Variants in SYS1 observed in about 807,000 individuals in gnomAD.
SYS1 encodes the protein SYS1 golgi trafficking protein, also known as protein SYS1 homolog.
A neutral mutation model predicts 17.8 loss-of-function variants in SYS1; 8 were observed. The ratio of observed to expected loss-of-function variants is 0.45; its 90% CI spans 0.26 to 0.81. The LOEUF is 0.81. SYS1 is among the 40% of genes least tolerant of loss of function. The pLI is 0.16. For missense variants in SYS1, 161 were observed against 203.9 expected (o/e 0.79, Z 1.28); for synonymous variants, 95 against 90.9 (o/e 1.05, Z -0.26).
exon 4 of SYS1, chr20:45,375,498 G>T: frequency 6.2e-7 from 1 of 1,601,454 alleles, no homozygotes; most frequent in Non-Finnish European, 8.5e-7. Context: ...CGGAGCACCC[G>T]ATCTCCTGGA....
At chr20:45,373,698 G>A, downstream of SYS1, 1 of 595,164 alleles carries the variant, frequency 1.7e-6, no homozygotes, top group African/African-American at 1.9e-5. Context: ...GCGCCACTCA[G>A]GAGACTAGCT....
rs762901585 is a variant in SYS1, at chr20:45,363,715, G to A, written c.162+22G>A. ...CGAGGTAGGGTCCCCGGACTGGGGC[G>A]GGTGGGGTCTCGGCCTCCCCGAGTA... On this transcript the variant is annotated intron_variant, in intron 2 of 3. Coordinates refer to ENST00000243918, the MANE Select transcript of SYS1 (RefSeq NM_033542.4). 11 of 1,548,710 alleles carry A rather than the reference G, an allele frequency of 7.1e-6. No homozygotes were observed. The East Asian group carries it at 1.7e-4, about 24-fold the overall frequency.
chr20:45,368,650 G>C lies in SYS1; in HGVS notation c.*1535G>C. 1.0e-6 allele frequency: 1 copy of C among 985,432 alleles called. No homozygotes were observed. The highest frequency in any genetic ancestry group is 5.2e-4 in the Middle Eastern group (1 of 1,914). The allele number at this position is 985,432 out of a possible 1,614,324, so 61.0% of individuals were successfully genotyped here. ...GAGACTGGGAAGGTTCTAGGGTGAG[G>C]CACCTCAGTAACTCATGGTACCTTG... On this transcript the variant is annotated 3_prime_UTR_variant, in exon 4 of 4. Transcript: ENST00000243918.
chr20:45,371,264 C>T (rs964262632), downstream of SYS1, among the ~76,000 whole-genome samples: 3 of 152,128 alleles, frequency 2.0e-5, no homozygotes, highest in Non-Finnish European at 2.9e-5. Context: ...TAAGATGTCA[C>T]GTGTAAAGCG....
chr20:45,373,528 G>C, downstream of SYS1: 1 of 270,928 alleles, frequency 3.7e-6, no homozygotes, highest in South Asian at 5.9e-5. Context: ...AAATGGAATG[G>C]GGAGCAACCA....
At chr20:45,362,973 G>A (rs900128743), upstream of SYS1, 43 of 397,690 alleles carry the variant, frequency 1.1e-4, no homozygotes, top group African/African-American at 8.9e-4. Flanking sequence ...CCCCTCTAGA[G>A]GGCGCGCAAG....
chr20:45,362,665 C>T (rs1988259485), upstream of SYS1, among the ~76,000 whole-genome samples: 1 of 152,170 alleles, frequency 6.6e-6, no homozygotes, highest in Admixed American at 6.5e-5. Context: ...CGCGCCCGAC[C>T]AACACTTGAA....
rs2743418 is a variant in SYS1 at position 45,363,684 on chromosome 20, C to T, written c.153C>T (p.Phe51=). Residue 51 remains phenylalanine (F), a synonymous_variant, in exon 2 of 4, where the codon TTC becomes TTT. Coordinates refer to ENST00000243918, the MANE Select transcript of SYS1 (RefSeq NM_033542.4). ...GCAGCCCCTCGCTGGACCAGATGTT[C>T]GACGCCGAGGTAGGGTCCCCGGACT... is the stretch of plus-strand genomic sequence containing the variant. ...VRSSPSLDQM[F]DAEILGFSTP... is the part of the protein sequence containing the mutation. 2 of 1,566,488 alleles carry T rather than the reference C, an allele frequency of 1.3e-6. No homozygotes were observed. Among genetic ancestry groups the T allele is most frequent in the Non-Finnish European group, 1.7e-6 (2 of 1,157,900 alleles).
At chr20:45,361,959 T>C (rs534040604), upstream of SYS1, 1 of 983,898 alleles carries the variant, frequency 1.0e-6, no homozygotes, top group South Asian at 4.7e-5. Flanking sequence ...ACTTCCCGTC[T>C]TTCCACTTCA....
upstream of SYS1, chr20:45,362,143 G>A (rs1988242318): frequency 1.7e-6 from 1 of 574,760 alleles, no homozygotes; most frequent in African/African-American, 2.0e-5. Context: ...GCAGCAGAGA[G>A]GGTCAGGATT....
In SYS1 at chr20:45,375,259, C is replaced by T. The variant is rs577945475; in HGVS notation, c.*965C>T. On this transcript the variant is annotated 3_prime_UTR_variant, in exon 4 of 4. Coordinates refer to the SYS1 transcript ENST00000426004. ...GCGGTAGGGCTTAATGAAGATGACTCGGGGGCCCTCGGTGAGTGGTTGCCT... is the reference window on the plus strand; with the variant it reads ...GCGGTAGGGCTTAATGAAGATGACTTGGGGGCCCTCGGTGAGTGGTTGCCT... 14 of 1,614,126 alleles carry T rather than the reference C, an allele frequency of 8.7e-6. No individual in the cohort carries two copies. The African/African-American group carries it at 1.5e-4, about 17-fold the overall frequency.
intron 2 of SYS1, 148 bp from the exon 3 acceptor site, chr20:45,365,471 C>T: frequency 1.2e-6 from 1 of 802,468 alleles, no homozygotes; most frequent in South Asian, 1.3e-5. Flanking sequence ...ATGAAAGCAC[C>T]TATTGGAAAT....
rs201476177 is a variant in SYS1 at position 45,365,602 on chromosome 20, T to G, written c.163-17T>G. On this transcript the variant is annotated splice_polypyrimidine_tract_variant and intron_variant, in intron 2 of 3. Transcript: ENST00000243918. ...AGTCACTTCTCCAGTATATTTCCAT[T>G]TGTGATTCCCCCTCAGATCCTGGGC... The G allele has an allele frequency of 6.2e-7, 1 of 1,613,830 alleles. No individual in the cohort carries two copies. The highest frequency in any genetic ancestry group is 1.1e-5 in the South Asian group (1 of 91,070).
exon 4 of SYS1, chr20:45,376,042 T>C (rs1464543068): frequency 1.3e-5 from 2 of 154,636 alleles, no homozygotes; most frequent in Non-Finnish European, 2.9e-5. Context: ...GGAAAACTGT[T>C]CAAGACCAGC....
chr20:45,375,095 G>A lies in SYS1; in HGVS notation c.*801G>A, dbSNP rs745489076. ...GATGCGGAGCAGAAGCGGGTGCAGCGGCGCTTGACCCAACGCAGGGTGGAG... is the reference window on the plus strand; with the variant it reads ...GATGCGGAGCAGAAGCGGGTGCAGCAGCGCTTGACCCAACGCAGGGTGGAG... On this transcript the variant is annotated 3_prime_UTR_variant, in exon 4 of 4. Transcript: ENST00000426004. 6.2e-6 allele frequency: 10 copies of A among 1,613,972 alleles called. No individual in the cohort carries two copies. Among genetic ancestry groups the A allele is most frequent in the Admixed American group, 3.3e-5 (2 of 60,010 alleles).
Position 45,363,612 on chromosome 20 carries a change from C to A in SYS1, c.81C>A (p.Tyr27Ter). 1 of 1,596,644 alleles carries A rather than the reference C, an allele frequency of 6.3e-7. No homozygotes were observed. Among genetic ancestry groups the A allele is most frequent in the South Asian group, 1.1e-5 (1 of 88,584 alleles). The change falls in exon 2 of 4, where the codon TAC becomes TAA. Residue 27 changes from tyrosine to a stop codon, truncating the protein, a stop_gained. Coordinates refer to ENST00000243918, the MANE Select transcript of SYS1 (RefSeq NM_033542.4). LOFTEE classifies it high-confidence loss of function. Reference sequence around the variant, plus strand: ...TCGTCCTCATGCAGACCGTGTATTACGGCTCGCTGGGCCTGTGGCTGGCGC... The same window carrying A: ...TCGTCCTCATGCAGACCGTGTATTAAGGCTCGCTGGGCCTGTGGCTGGCGC... ...SQIVLMQTVYYGSLGLWLALV... is the reference protein window; with the variant it reads ...SQIVLMQTVY
chr20:45,367,068 G>A lies in SYS1; in HGVS notation c.424G>A (p.Glu142Lys), dbSNP rs749958472. The A allele has an allele frequency of 6.2e-7, 1 of 1,614,168 alleles. No homozygotes were observed. Among genetic ancestry groups the A allele is most frequent in the Non-Finnish European group, 8.5e-7 (1 of 1,180,042 alleles). Residue 142 changes from glutamate to lysine, a missense_variant, in exon 4 of 4, where the codon GAG becomes AAG. Coordinates refer to ENST00000243918, the MANE Select transcript of SYS1 (RefSeq NM_033542.4). Reference sequence around the variant, plus strand: ...CGGGGAGTACCTGTGCATGCGGACGGAGCTCAAGGAGATACCCCTCAACTC... The same window carrying A: ...CGGGGAGTACCTGTGCATGCGGACGAAGCTCAAGGAGATACCCCTCAACTC... ...VIGEYLCMRT[E>K]LKEIPLNSAP... is the part of the protein sequence containing the mutation.
Position 45,375,359 on chromosome 20 carries a change from G to A in SYS1, c.*1065G>A, listed in dbSNP as rs369146381. 139 of 1,614,034 alleles carry A rather than the reference G, an allele frequency of 8.6e-5. 1 individual carries two copies. Among genetic ancestry groups the A allele is most frequent in the East Asian group, 7.1e-4 (32 of 44,864 alleles). On this transcript the variant is annotated 3_prime_UTR_variant, in exon 4 of 4. Transcript: ENST00000426004. ...TCAGGCTCTATATGCTTTTCTTTCCGTGGCATTGCCGCCAATGACGTTTTC... is the reference window on the plus strand; with the variant it reads ...TCAGGCTCTATATGCTTTTCTTTCCATGGCATTGCCGCCAATGACGTTTTC...
At chr20:45,373,903 G>T, downstream of SYS1, 1 of 1,613,288 alleles carries the variant, frequency 6.2e-7, no homozygotes, top group Middle Eastern at 1.7e-4. Context: ...CCATATGGAA[G>T]ATCTTATTTG....
Sources: allele counts gnomAD v4.1 joint callset (sites outside exome capture counted in the v4.1 genomes callset), GRCh38; gene constraint gnomAD v4.1.1; transcripts MANE v1.5; gene names NCBI Gene and HGNC (gene_info 2026-07-23, HGNC 2026-07-21).